The following NDUFS4 variants were observed in gnomAD, a reference collection of about 807,000 sequenced individuals.
NDUFS4 encodes the protein NADH:ubiquinone oxidoreductase subunit S4, also known as NADH dehydrogenase [ubiquinone] iron-sulfur protein 4, mitochondrial.
NDUFS4 carries 28 observed loss-of-function variants against 24.3 expected under a neutral mutation model. The observed-to-expected ratio is 1.15, with a 90% confidence interval of 0.85 to 1.58. NDUFS4 has a LOEUF of 1.58. Among genes scored for constraint, NDUFS4 ranks in the 40% most tolerant of loss-of-function variants. The probability of loss-of-function intolerance (pLI) is 0.00; values close to 1 mark genes in which losing one functional copy is unlikely to be tolerated. For synonymous variants in NDUFS4, 93 were observed against 69.7 expected (o/e 1.34, Z -1.67); for missense variants, 223 against 207.9 (o/e 1.07, Z -0.45).
At chr5:53,607,487 G>GA (rs1212899243) in intron 2 of NDUFS4, among the ~76,000 whole-genome samples, 3 of 151,448 alleles carry the variant, frequency 2.0e-5, no homozygotes, top group Non-Finnish European at 2.9e-5. Context: ...GTAAAAAAAA[G>GA]AAAAAAAAGA....
intron 2 of NDUFS4, among the ~76,000 whole-genome samples, chr5:53,636,541 G>A (rs1378704465): frequency 1.3e-5 from 2 of 152,176 alleles, no homozygotes; most frequent in African/African-American, 4.8e-5. Context: ...CTTCTAAAAT[G>A]TAATTTTTCT....
At chr5:53,660,503 G>C (rs528178731) in intron 4 of NDUFS4, among the ~76,000 whole-genome samples, 30 of 152,144 alleles carry the variant, frequency 2.0e-4, no homozygotes, top group African/African-American at 7.2e-4. Context: ...ATAATCCTTT[G>C]GGTATATACC....
chr5:53,573,661 T>G (rs1395040662), intron 1 of NDUFS4: 1 of 439,270 alleles, frequency 2.3e-6, no homozygotes, highest in African/African-American at 2.0e-5. Flanking sequence ...CAATCATAGC[T>G]CACTACATCC....
intron 2 of NDUFS4, among the ~76,000 whole-genome samples, chr5:53,631,005 CA>C (rs2112489962): frequency 6.6e-6 from 1 of 152,278 alleles, no homozygotes; most frequent in Non-Finnish European, 1.5e-5. Context: ...GGTTTCTCCC[CA>C]CCTTTGTGGT....
At chr5:53,617,575 AC>A (rs1225971679) in intron 2 of NDUFS4, among the ~76,000 whole-genome samples, 1 of 151,430 alleles carries the variant, frequency 6.6e-6, no homozygotes, top group Admixed American at 6.6e-5. Flanking sequence ...TTTATTCCGT[AC>A]TTCTGTTCCT....
intron 4 of NDUFS4, among the ~76,000 whole-genome samples, chr5:53,668,610 C>T (rs1752582985): frequency 6.8e-6 from 1 of 148,044 alleles, no homozygotes; most frequent in South Asian, 2.2e-4. Context: ...CCACCATGTC[C>T]AGCTAATTTT....
At chr5:53,682,594 A>G (rs1431270709) in intron 4 of NDUFS4, among the ~76,000 whole-genome samples, 1 of 152,060 alleles carries the variant, frequency 6.6e-6, no homozygotes, top group African/African-American at 2.4e-5. Context: ...AGTCCAGGGG[A>G]TTGAACCAAG....
intron 1 of NDUFS4, among the ~76,000 whole-genome samples, chr5:53,577,834 T>A (rs1235387851): frequency 6.6e-6 from 1 of 152,236 alleles, no homozygotes; most frequent in Non-Finnish European, 1.5e-5. Context: ...TCCTATGCTA[T>A]GTGCCAGGGT....
intron 4 of NDUFS4, among the ~76,000 whole-genome samples, chr5:53,662,579 C>T (rs1321210207): frequency 6.6e-6 from 1 of 152,056 alleles, no homozygotes; most frequent in Non-Finnish European, 1.5e-5. Flanking sequence ...GGTACCAGCT[C>T]CTCCTTGTAC....
intron 1 of NDUFS4, among the ~76,000 whole-genome samples, chr5:53,568,178 C>T (rs937453758): frequency 6.6e-6 from 1 of 152,046 alleles, no homozygotes; most frequent in African/African-American, 2.4e-5. Flanking sequence ...ACCTTTTCTT[C>T]TTGTCTGTAC....
intron 4 of NDUFS4, among the ~76,000 whole-genome samples, chr5:53,678,655 CTCTT>C (rs1184136396): frequency 1.3e-5 from 2 of 151,998 alleles, no homozygotes; most frequent in Non-Finnish European, 2.9e-5. Context: ...TAAGTTTGGG[CTCTT>C]TCTTTTAAAA....
chr5:53,606,068 C>G (rs1467140135), intron 2 of NDUFS4, among the ~76,000 whole-genome samples: 1 of 150,098 alleles, frequency 6.7e-6, no homozygotes, highest in Non-Finnish European at 1.5e-5. Context: ...CCTGTAGTCC[C>G]AGCTACTCAG....
chr5:53,590,499 A>G (rs773536422), intron 1 of NDUFS4, among the ~76,000 whole-genome samples: 1 of 152,198 alleles, frequency 6.6e-6, no homozygotes, highest in Non-Finnish European at 1.5e-5. Flanking sequence ...TAAAAAGTAT[A>G]TAATTTGGGA....
chr5:53,566,707 A>G (rs1256096706), intron 1 of NDUFS4, among the ~76,000 whole-genome samples: 1 of 152,144 alleles, frequency 6.6e-6, no homozygotes, highest in East Asian at 1.9e-4. Flanking sequence ...ACTTTAAATC[A>G]TCTCTGGATT....
chr5:53,631,914 A>G (rs972736460), intron 2 of NDUFS4, among the ~76,000 whole-genome samples: 2 of 152,174 alleles, frequency 1.3e-5, no homozygotes, highest in African/African-American at 4.8e-5. Context: ...GCAGAAGTGT[A>G]CCATTCCTCC....
chr5:53,572,977 T>G lies in NDUFS4; in HGVS notation c.98+12217T>G, dbSNP rs578254850. ...TTTTTGTTTTTTTTTTTTGTTTTTT[T>G]TTTTTTTTAAGAGACCAGGTCTTGC... On this transcript the variant is annotated intron_variant, in intron 1 of 4. Transcript: ENST00000296684. 8.9e-4 allele frequency among the ~76,000 whole-genome samples: 132 copies of G among 148,500 alleles called. 1 individual carries two copies. Among genetic ancestry groups the G allele is most frequent in the Admixed American group, 1.8e-3 (27 of 14,964 alleles).
chr5:53,577,060 G>A (rs531108963), intron 1 of NDUFS4, among the ~76,000 whole-genome samples: 10 of 152,186 alleles, frequency 6.6e-5, no homozygotes, highest in African/African-American at 2.4e-4. Flanking sequence ...AAAGACATAA[G>A]CCTAGGTGGT....
At chr5:53,624,169 T>G (rs1751146434) in intron 2 of NDUFS4, among the ~76,000 whole-genome samples, 1 of 152,326 alleles carries the variant, frequency 6.6e-6, no homozygotes, top group East Asian at 1.9e-4. Context: ...CAATTGGCTA[T>G]ATATGCAAGG....
chr5:53,647,056 A>G (rs1002200765), intron 3 of NDUFS4, among the ~76,000 whole-genome samples: 10 of 151,510 alleles, frequency 6.6e-5, no homozygotes, highest in Non-Finnish European at 1.2e-4. Flanking sequence ...TAAAATTACA[A>G]TAAACTTCTT....
Sources: gnomAD v4.1 joint callset for allele counts (sites outside exome capture counted in the v4.1 genomes callset) on GRCh38, gnomAD v4.1.1 for gene constraint, MANE v1.5 for transcripts, NCBI Gene and HGNC (gene_info 2026-07-23, HGNC 2026-07-21) for gene names.